The following DBF4 variants were observed in gnomAD, a reference collection of about 807,000 sequenced individuals.
DBF4 encodes DBF4-CDC7 kinase regulatory subunit.
A neutral mutation model predicts 76.6 loss-of-function variants in DBF4; 25 were observed. The observed-to-expected ratio is 0.33, with a 90% CI of 0.24 to 0.46. The LOEUF is 0.46. Among genes scored for constraint, DBF4 ranks in the 20% least tolerant of loss-of-function variants. DBF4 has a pLI of 1.00. For missense variants in DBF4, 638 were observed against 760.8 expected (o/e 0.84, Z 1.90); for synonymous variants, 213 against 258.0 (o/e 0.83, Z 1.67).
intron 6 of DBF4, among the ~76,000 whole-genome samples, chr7:87,891,812 T>G (rs1008650238): frequency 6.6e-6 from 1 of 152,200 alleles, no homozygotes; most frequent in African/African-American, 2.4e-5. Context: ...CTGCCTATTT[T>G]GGGTTTATAT....
chr7:87,876,875 C>T, intron 1 of DBF4, 97 bp downstream of exon 1: 1 of 1,333,610 alleles, frequency 7.5e-7, no homozygotes, highest in Non-Finnish European at 1.1e-6. Context: ...GGGTCCTCAG[C>T]TTCTTTTCTT....
At chr7:87,886,726 C>CA (rs1369879517) in intron 3 of DBF4, 118 bp from the exon 4 acceptor site, 2 of 658,954 alleles carry the variant, frequency 3.0e-6, no homozygotes, top group East Asian at 2.9e-5. Flanking sequence ...AGAGGTCACC[C>CA]AAAAAAGAGA....
At chr7:87,900,040 C>G (rs1357099518) in intron 8 of DBF4, among the ~76,000 whole-genome samples, 181 bp from the exon 9 acceptor site, 4 of 151,880 alleles carry the variant, frequency 2.6e-5, no homozygotes, top group Non-Finnish European at 4.4e-5. Flanking sequence ...TATTTTACCA[C>G]AATTTAAAAA....
At chr7:87,876,929 G>A in intron 1 of DBF4, 151 bp downstream of exon 1, 9 of 837,530 alleles carry the variant, frequency 1.1e-5, no homozygotes, top group East Asian at 2.7e-5. Flanking sequence ...CCCGTTCAGT[G>A]TTTTGCCTAA....
At chr7:87,896,694 T>A (rs917248328) in intron 7 of DBF4, among the ~76,000 whole-genome samples, 184 bp downstream of exon 7, 1 of 152,232 alleles carries the variant, frequency 6.6e-6, no homozygotes, top group Non-Finnish European at 1.5e-5. Flanking sequence ...GATGTTTTTT[T>A]TAAAACGTTT....
At chr7:87,894,513 T>G (rs961117273) in intron 6 of DBF4, among the ~76,000 whole-genome samples, 1 of 152,226 alleles carries the variant, frequency 6.6e-6, no homozygotes, top group African/African-American at 2.4e-5. Context: ...ATAGTCCTAT[T>G]AACCCAGATG....
intron 5 of DBF4, 104 bp from the exon 6 acceptor site, chr7:87,887,879 C>A: frequency 2.7e-6 from 3 of 1,119,320 alleles, no homozygotes; most frequent in African/African-American, 1.6e-5. Flanking sequence ...ATAAGAGATA[C>A]CTATAATGGT....
In DBF4 at chr7:87,901,012, A is replaced by G. The variant is rs576798045; in HGVS notation, c.924+134A>G. ...GGGAGGAAATGAGTATTGAAAATGA[A>G]TTTTTATTCAGCAAATACTGAGCGT... On this transcript the variant is annotated intron_variant, in intron 10 of 11. Transcript: ENST00000265728. 216 of 723,782 alleles carry G rather than the reference A, an allele frequency of 3.0e-4. 1 individual carries two copies. In the African/African-American group the frequency reaches 3.5e-3, roughly 12 times the overall value. The allele number at this position is 723,782 out of a possible 1,614,324, so 44.8% of individuals were successfully genotyped here.
chr7:87,884,857 A>G, intron 2 of DBF4, 122 bp from the exon 3 acceptor site: 1 of 679,492 alleles, frequency 1.5e-6, no homozygotes, highest in Non-Finnish European at 2.4e-6. Context: ...GGATCACTTG[A>G]GAACAGGGGG....
chr7:87,898,557 C>T (rs879647994), intron 8 of DBF4, among the ~76,000 whole-genome samples: 14 of 151,898 alleles, frequency 9.2e-5, no homozygotes, highest in Non-Finnish European at 1.3e-4. Context: ...TTTGGGAGGC[C>T]GAGGCAGGCA....
chr7:87,890,915 AT>A (rs1410290838), intron 6 of DBF4, among the ~76,000 whole-genome samples: 1 of 152,214 alleles, frequency 6.6e-6, no homozygotes, highest in African/African-American at 2.4e-5. Context: ...ATCTGGTTGA[AT>A]TGATACTCAT....
At chr7:87,884,594 A>G (rs1159311219) in intron 2 of DBF4, among the ~76,000 whole-genome samples, 5 of 152,244 alleles carry the variant, frequency 3.3e-5, no homozygotes, top group Non-Finnish European at 7.3e-5. Flanking sequence ...GTTAATTAAC[A>G]TATATAAAGT....
chr7:87,907,173 A>C lies in DBF4; in HGVS notation c.1050-15A>C. On this transcript the variant is annotated splice_polypyrimidine_tract_variant and intron_variant, in intron 11 of 11. Coordinates refer to ENST00000265728, the MANE Select transcript of DBF4 (RefSeq NM_006716.4). ...GCAATTATTTTAATATTTTTCTTCTATTTTTCCTACAAAGAATAAAATACA... is the reference window on the plus strand; with the variant it reads ...GCAATTATTTTAATATTTTTCTTCTCTTTTTCCTACAAAGAATAAAATACA... The C allele has an allele frequency of 6.6e-7, 1 of 1,522,714 alleles. No homozygotes were observed. The highest frequency in any genetic ancestry group is 8.8e-7 in the Non-Finnish European group (1 of 1,139,482). 94.3% of individuals were successfully genotyped at this position (1,522,714 alleles called of 1,614,324 possible).
chr7:87,907,843 T>C lies in DBF4; in HGVS notation c.1705T>C (p.Leu569=). The change falls in exon 12 of 12, where the codon TTA becomes CTA. Residue 569 remains leucine, a synonymous_variant. Transcript: ENST00000265728. Reference sequence around the variant, plus strand: ...ATGTGACTTCAAGAATATGGATAGTTTACCTTCTGGTAAAATACATCGAAA... The same window carrying C: ...ATGTGACTTCAAGAATATGGATAGTCTACCTTCTGGTAAAATACATCGAAA... The part of the protein sequence containing the change: ...NECDFKNMDS[L]PSGKIHRKVK... 6.2e-7 allele frequency: 1 copy of C among 1,613,844 alleles called. No individual in the cohort carries two copies. Among genetic ancestry groups the C allele is most frequent in the Non-Finnish European group, 8.5e-7 (1 of 1,179,934 alleles).
intron 10 of DBF4, among the ~76,000 whole-genome samples, chr7:87,903,255 CT>C (rs907459391): frequency 1.3e-5 from 2 of 151,976 alleles, no homozygotes; most frequent in African/African-American, 2.4e-5. Flanking sequence ...GCTAATTGTA[CT>C]TTTAGTAGAG....
At chr7:87,898,671 G>A (rs1839697035) in intron 8 of DBF4, among the ~76,000 whole-genome samples, 5 of 151,564 alleles carry the variant, frequency 3.3e-5, no homozygotes, top group Admixed American at 3.3e-4. Flanking sequence ...GGCACCTGTA[G>A]TCCCAGCTAC....
chr7:87,890,567 G>A (rs1014432104), intron 6 of DBF4, among the ~76,000 whole-genome samples: 11 of 152,140 alleles, frequency 7.2e-5, no homozygotes, highest in Non-Finnish European at 1.6e-4. Flanking sequence ...TGGATAGATA[G>A]CATTCTGGGA....
Position 87,885,306 on chromosome 7 carries a change from G to A in DBF4, c.399+148G>A, listed in dbSNP as rs1584355574. The A allele has an allele frequency of 2.2e-5, 13 of 601,698 alleles. No individual in the cohort carries two copies. The East Asian group carries it at 3.9e-4, about 18-fold the overall frequency. 37.3% of individuals were successfully genotyped at this position (601,698 alleles called of 1,614,324 possible). On this transcript the variant is annotated intron_variant, in intron 3 of 11. Transcript: ENST00000265728. ...TGGCTCTCTAGTCCTCAATAAAGTT[G>A]CTGTCTTTTAGGAAGGTGGGTTTTT... is the stretch of plus-strand genomic sequence containing the variant.
intron 8 of DBF4, among the ~76,000 whole-genome samples, chr7:87,899,963 A>G (rs1470928415): frequency 6.6e-6 from 1 of 152,188 alleles, no homozygotes; most frequent in East Asian, 1.9e-4. Flanking sequence ...ATGGTACCAC[A>G]GCATTGTGAA....
Sources: allele counts gnomAD v4.1 joint callset (sites outside exome capture counted in the v4.1 genomes callset), GRCh38; gene constraint gnomAD v4.1.1; transcripts MANE v1.5; gene names NCBI Gene and HGNC (gene_info 2026-07-23, HGNC 2026-07-21).